The following PDLIM5 variants were observed in gnomAD, a reference collection of about 807,000 sequenced individuals.
PDLIM5 encodes PDZ and LIM domain protein 5.
A neutral mutation model predicts 64.2 loss-of-function variants in PDLIM5; 34 were observed. The observed-to-expected ratio is 0.53, with a 90% CI of 0.40 to 0.71. PDLIM5 has a LOEUF of 0.71. Ranked by LOEUF, PDLIM5 falls within the 30% of genes least tolerant of loss-of-function variation. PDLIM5 has a pLI of 0.00. For synonymous variants in PDLIM5, 253 were observed against 269.1 expected (o/e 0.94, Z 0.59); for missense variants, 683 against 733.6 (o/e 0.93, Z 0.80).
chr4:94,625,598 G>A (rs897868635), intron 8 of PDLIM5, among the ~76,000 whole-genome samples: 7 of 151,934 alleles, frequency 4.6e-5, no homozygotes, highest in Admixed American at 1.3e-4. Context: ...GACTACAGGC[G>A]CCCGCCACCA....
chr4:94,551,685 C>T (rs1732820526), intron 3 of PDLIM5, among the ~76,000 whole-genome samples: 1 of 152,014 alleles, frequency 6.6e-6, no homozygotes, highest in African/African-American at 2.4e-5. Context: ...AAAGTCTTGA[C>T]ACACAGGCAA....
intron 8 of PDLIM5, among the ~76,000 whole-genome samples, chr4:94,621,070 CAAAAAAAAAAAAAA>C (rs10526750): frequency 1.0e-3 from 83 of 81,610 alleles, no homozygotes; most frequent in South Asian, 9.2e-3. Flanking sequence ...GACTCTGTCT[CAAAAAAAAAAAAAA>C]AAAAAAAAAA....
chr4:94,489,071 G>A (rs1353861213), intron 2 of PDLIM5: 4 of 152,238 alleles, frequency 2.6e-5, no homozygotes, highest in Non-Finnish European at 4.4e-5. Context: ...GGTCATAAAG[G>A]TGTGTTTTCT....
At chr4:94,492,525 T>G (rs542146409) in intron 2 of PDLIM5, among the ~76,000 whole-genome samples, 2 of 152,310 alleles carry the variant, frequency 1.3e-5, no homozygotes, top group South Asian at 4.1e-4. Context: ...AGAGGAAACT[T>G]GGTACCCATT....
chr4:94,664,584 T>G lies in PDLIM5; in HGVS notation c.*517T>G. 1 of 865,652 alleles carries G rather than the reference T, an allele frequency of 1.2e-6. No homozygotes were observed. The highest frequency in any genetic ancestry group is 1.4e-6 in the Non-Finnish European group (1 of 721,022). The allele number at this position is 865,652 out of a possible 1,614,324, so 53.6% of individuals were successfully genotyped here. On this transcript the variant is annotated 3_prime_UTR_variant, in exon 13 of 13. Coordinates refer to ENST00000317968, the MANE Select transcript of PDLIM5 (RefSeq NM_006457.5). ...AGGTGTCAGTTTTTAAAAAATTGCT[T>G]GTAGGCTGAGCGCGGTGGCTCACGC...
chr4:94,587,544 A>G, intron 7 of PDLIM5: 1 of 915,882 alleles, frequency 1.1e-6, no homozygotes, highest in African/African-American at 1.8e-5. Context: ...ATTGTAAATT[A>G]TTCTAAATAA....
intron 2 of PDLIM5, among the ~76,000 whole-genome samples, chr4:94,459,708 G>A (rs1226805013): frequency 6.6e-6 from 1 of 152,208 alleles, no homozygotes; most frequent in Non-Finnish European, 1.5e-5. Flanking sequence ...GACAGATTCT[G>A]ATAAGTGTTT....
At chr4:94,570,065 C>T (rs752706020) in intron 3 of PDLIM5, among the ~76,000 whole-genome samples, 1 of 151,908 alleles carries the variant, frequency 6.6e-6, no homozygotes, top group Non-Finnish European at 1.5e-5. Context: ...AGCACTCACC[C>T]TACTTACAGA....
chr4:94,617,854 A>G (rs1449381728), intron 7 of PDLIM5, 150 bp from the exon 8 acceptor site: 3 of 422,836 alleles, frequency 7.1e-6, no homozygotes, highest in Non-Finnish European at 1.2e-5. Flanking sequence ...AAGAGAGGCA[A>G]TCCCTCAGTC....
chr4:94,461,394 G>T (rs1723865809), intron 2 of PDLIM5, among the ~76,000 whole-genome samples: 1 of 152,156 alleles, frequency 6.6e-6, no homozygotes, highest in Non-Finnish European at 1.5e-5. Flanking sequence ...AGTGACCATG[G>T]TGTCTACTGA....
chr4:94,588,491 A>G (rs1282806468), intron 7 of PDLIM5, among the ~76,000 whole-genome samples: 1 of 152,030 alleles, frequency 6.6e-6, no homozygotes, highest in East Asian at 1.9e-4. Flanking sequence ...TGAACCCGGG[A>G]GGCGAAGGTT....
intron 7 of PDLIM5, among the ~76,000 whole-genome samples, chr4:94,592,765 T>G (rs1447349029): frequency 6.6e-6 from 1 of 152,158 alleles, no homozygotes. Context: ...TAGCTGGAAC[T>G]ACAGGCACAC....
At position 94,567,504 on chromosome 4, in the gene PDLIM5, A is replaced by T. The variant is rs1404127815; in HGVS notation, c.249-5847A>T. On this transcript the variant is annotated intron_variant, in intron 3 of 12. Coordinates refer to ENST00000317968, the MANE Select transcript of PDLIM5 (RefSeq NM_006457.5). ...TTCAGAGAATGCAATTCTAGTACAGATTGATTTTTTTTTTTTTCATTCCTA... is the reference window on the plus strand; with the variant it reads ...TTCAGAGAATGCAATTCTAGTACAGTTTGATTTTTTTTTTTTTCATTCCTA... Among the ~76,000 whole-genome samples the T allele has an allele frequency of 3.0e-5, 3 of 99,644 alleles. No homozygotes were observed. In the East Asian group the frequency reaches 7.4e-4, roughly 24 times the overall value. The allele number at this position is 99,644 out of a possible 152,430, so 65.4% of individuals were successfully genotyped here.
intron 3 of PDLIM5, among the ~76,000 whole-genome samples, chr4:94,572,319 TA>T (rs1027754967): frequency 1.3e-5 from 2 of 152,176 alleles, no homozygotes; most frequent in African/African-American, 4.8e-5. Flanking sequence ...AAATAGGCTT[TA>T]AAACATTAGA....
chr4:94,487,858 C>T (rs932455062), intron 2 of PDLIM5, among the ~76,000 whole-genome samples: 3 of 152,130 alleles, frequency 2.0e-5, no homozygotes, highest in South Asian at 2.1e-4. Flanking sequence ...TTACCTGTAT[C>T]GGAGTTACCT....
At chr4:94,518,101 C>T (rs544846130) in intron 2 of PDLIM5, among the ~76,000 whole-genome samples, 16 of 152,068 alleles carry the variant, frequency 1.1e-4, no homozygotes, top group Admixed American at 8.5e-4. Flanking sequence ...GTCACTGTTG[C>T]GATTAAACAT....
At chr4:94,558,542 A>G (rs1203731992) in intron 3 of PDLIM5, among the ~76,000 whole-genome samples, 3 of 152,162 alleles carry the variant, frequency 2.0e-5, no homozygotes. Flanking sequence ...GAGGTATCCT[A>G]AGGTGGTGTT....
In PDLIM5 at chr4:94,451,945, T is replaced by C. The variant is rs928362761; in HGVS notation, c.-93T>C. 1 of 152,130 alleles carries C rather than the reference T, an allele frequency of 6.6e-6. No homozygotes were observed. Among genetic ancestry groups the C allele is most frequent in the Admixed American group, 6.5e-5 (1 of 15,280 alleles). The allele number at this position is 152,130 out of a possible 1,614,324, so 9.4% of individuals were successfully genotyped here. A position where few individuals can be genotyped will look rare whatever the true frequency, so the allele number is the denominator to read the frequency against. On this transcript the variant is annotated 5_prime_UTR_variant, in exon 1 of 13. Coordinates refer to ENST00000317968, the MANE Select transcript of PDLIM5 (RefSeq NM_006457.5). ...GACGGCGCCCTCACCGCGAGTCACTTGTCAGCCCTTGTCTGAGGCGGAGGC... is the reference window on the plus strand; with the variant it reads ...GACGGCGCCCTCACCGCGAGTCACTCGTCAGCCCTTGTCTGAGGCGGAGGC...
At chr4:94,497,919 A>G (rs545226463) in intron 2 of PDLIM5, among the ~76,000 whole-genome samples, 6 of 152,054 alleles carry the variant, frequency 3.9e-5, no homozygotes, top group Non-Finnish European at 8.8e-5. Context: ...GAGAGAAGGA[A>G]CTCAGGATAC....
Sources: gnomAD v4.1 joint callset for allele counts (sites outside exome capture counted in the v4.1 genomes callset) on GRCh38, gnomAD v4.1.1 for gene constraint, MANE v1.5 for transcripts, NCBI Gene and HGNC (gene_info 2026-07-23, HGNC 2026-07-21) for gene names.